The following EYS variants were observed in gnomAD, a reference collection of about 807,000 sequenced individuals.
EYS encodes EGF-like photoreceptor maintenance factor, also known as protein eyes shut homolog.
Under a neutral mutation model 282.1 loss-of-function variants are expected in EYS, and 250 were observed. The ratio of observed to expected loss-of-function variants is 0.89; its 90% confidence interval spans 0.80 to 0.98. EYS has a LOEUF of 0.98. EYS is among the 50% of genes least tolerant of loss of function. The pLI is 0.00. For missense variants in EYS, 4,016 were observed against 3,709.0 expected (o/e 1.08, Z -2.15); for synonymous variants, 1,355 against 1,282.9 (o/e 1.06, Z -1.20).
chr6:64,819,611 G>A (rs1019356274), intron 21 of EYS, among the ~76,000 whole-genome samples: 2 of 151,738 alleles, frequency 1.3e-5, no homozygotes, highest in African/African-American at 2.4e-5. Context: ...ATGAGTTAAA[G>A]CACTAAAAGT....
intron 29 of EYS, among the ~76,000 whole-genome samples, chr6:64,324,511 C>T (rs187490064): frequency 6.6e-6 from 1 of 152,236 alleles, no homozygotes; most frequent in Non-Finnish European, 1.5e-5. Context: ...ATGACAATTC[C>T]ATAGCCAACA....
chr6:65,006,044 A>C, intron 13 of EYS, among the ~76,000 whole-genome samples: 1 of 151,952 alleles, frequency 6.6e-6, no homozygotes, highest in Non-Finnish European at 1.5e-5. Flanking sequence ...GAGGCTCTAC[A>C]CTGTGTCCTT....
chr6:65,517,557 C>T (rs1338472117), intron 2 of EYS, among the ~76,000 whole-genome samples: 1 of 152,010 alleles, frequency 6.6e-6, no homozygotes, highest in Non-Finnish European at 1.5e-5. Context: ...GCTGTAATTA[C>T]ATCCTCATGA....
At chr6:65,543,884 G>C (rs920932471) in intron 2 of EYS, among the ~76,000 whole-genome samples, 10 of 152,138 alleles carry the variant, frequency 6.6e-5, no homozygotes, top group African/African-American at 2.2e-4. Context: ...CTCTACCATT[G>C]CTGGAGTGAA....
intron 41 of EYS, among the ~76,000 whole-genome samples, chr6:63,751,792 C>T (rs796267692): frequency 4.5e-4 from 68 of 152,256 alleles, no homozygotes; most frequent in African/African-American, 1.5e-3. Context: ...AAAATAAAAT[C>T]ATCCCTTTAG....
intron 12 of EYS, among the ~76,000 whole-genome samples, chr6:65,288,204 C>T (rs376983997): frequency 6.6e-6 from 1 of 150,784 alleles, no homozygotes; most frequent in African/African-American, 2.4e-5. Context: ...TAGGAAATGA[C>T]AAACTTATGT....
chr6:65,499,984 T>C (rs1766390521), intron 2 of EYS, among the ~76,000 whole-genome samples: 1 of 151,752 alleles, frequency 6.6e-6, no homozygotes, highest in African/African-American at 2.4e-5. Context: ...TAAGTCACCA[T>C]AGTGTCCAAA....
intron 1 of EYS, among the ~76,000 whole-genome samples, chr6:65,700,114 CAA>C (rs1178482636): frequency 0.016 from 844 of 51,682 alleles, 2 homozygotes; most frequent in African/African-American, 0.052. Flanking sequence ...GACTCCGTCT[CAA>C]AAAAAAAAAA....
chr6:64,267,574 T>A (rs999520765), intron 30 of EYS, among the ~76,000 whole-genome samples: 3 of 151,830 alleles, frequency 2.0e-5, no homozygotes, highest in Non-Finnish European at 4.4e-5. Flanking sequence ...TACAATAAAA[T>A]CATAATGGCA....
At position 65,690,752 on chromosome 6, in the gene EYS, C is replaced by T. The variant is rs531337054; in HGVS notation, c.-448+16383G>A. 6.3e-4 allele frequency among the ~76,000 whole-genome samples: 95 copies of T among 150,072 alleles called. 1 individual carries two copies. The highest frequency in any genetic ancestry group is 2.2e-3 in the African/African-American group (91 of 41,228). ...TCTAGCCCCCCAGCCCACAACAGGCCCCCAAGTGTGTGAGGTTCCCCTCCC... is the reference window on the plus strand; with the variant it reads ...TCTAGCCCCCCAGCCCACAACAGGCTCCCAAGTGTGTGAGGTTCCCCTCCC... On this transcript the variant is annotated intron_variant, in intron 1 of 42. Coordinates refer to ENST00000503581, the MANE Select transcript of EYS (RefSeq NM_001142800.2).
intron 19 of EYS, among the ~76,000 whole-genome samples, chr6:64,885,399 G>C (rs1358001876): frequency 2.6e-5 from 4 of 151,598 alleles, no homozygotes; most frequent in Non-Finnish European, 5.9e-5. Flanking sequence ...ATCAGAGCAA[G>C]GTGTTATAAC....
intron 12 of EYS, among the ~76,000 whole-genome samples, chr6:65,185,909 T>A (rs1437831047): frequency 6.6e-6 from 1 of 151,882 alleles, no homozygotes; most frequent in Non-Finnish European, 1.5e-5. Flanking sequence ...TGATATACAC[T>A]CAGAACATTG....
intron 26 of EYS, among the ~76,000 whole-genome samples, chr6:64,525,233 A>G (rs966949759): frequency 2.6e-5 from 4 of 151,878 alleles, no homozygotes; most frequent in African/African-American, 9.7e-5. Context: ...ACAAATGTTC[A>G]TTGCAGCACT....
intron 33 of EYS, among the ~76,000 whole-genome samples, chr6:64,065,594 G>T (rs1771336554): frequency 6.6e-6 from 1 of 152,032 alleles, no homozygotes; most frequent in African/African-American, 2.4e-5. Context: ...GTTGGTTTTG[G>T]TTTTTCTTTT....
chr6:64,603,305 C>T (rs928974424), intron 24 of EYS, among the ~76,000 whole-genome samples: 5 of 151,958 alleles, frequency 3.3e-5, no homozygotes, highest in Admixed American at 1.3e-4. Flanking sequence ...TGCTGCTCCT[C>T]TTCCTTTTTC....
intron 12 of EYS, among the ~76,000 whole-genome samples, chr6:65,275,819 G>T (rs974743994): frequency 6.6e-6 from 1 of 152,110 alleles, no homozygotes. Flanking sequence ...TTGAAACATT[G>T]TCATCACAGA....
At chr6:65,054,252 A>C (rs1773353047) in intron 13 of EYS, among the ~76,000 whole-genome samples, 1 of 151,912 alleles carries the variant, frequency 6.6e-6, no homozygotes, top group East Asian at 1.9e-4. Flanking sequence ...ACAACTCATA[A>C]ATTAATTTGT....
Position 65,072,072 on chromosome 6 carries a change from A to G in EYS, c.2024-14345T>C, listed in dbSNP as rs116554677. On this transcript the variant is annotated intron_variant, in intron 12 of 42. Transcript: ENST00000503581. ...TACAGTACAAAATGGACTAAGACAA[A>G]TAGTAAGCTCCGAAGGATTTTGTCT... Among the ~76,000 whole-genome samples the G allele has an allele frequency of 6.4e-3, 971 of 151,934 alleles. 10 individuals carry two copies. Among genetic ancestry groups the G allele is most frequent in the African/African-American group, 0.022 (926 of 41,522 alleles).
At chr6:63,906,091 C>A (rs896474867) in intron 35 of EYS, among the ~76,000 whole-genome samples, 4 of 152,150 alleles carry the variant, frequency 2.6e-5, no homozygotes, top group African/African-American at 9.7e-5. Context: ...CACTATGCTG[C>A]GTCAATCTCT....
Sources: allele counts gnomAD v4.1 joint callset (sites outside exome capture counted in the v4.1 genomes callset), GRCh38; gene constraint gnomAD v4.1.1; transcripts MANE v1.5; gene names NCBI Gene and HGNC (gene_info 2026-07-23, HGNC 2026-07-21).